The following SGCD variants were observed in gnomAD, a reference collection of about 807,000 sequenced individuals.
SGCD encodes delta-sarcoglycan.
Under a neutral mutation model 36.6 loss-of-function variants are expected in SGCD, and 18 were observed. That is an observed-to-expected ratio of 0.49 (90% CI 0.34 to 0.73). The LOEUF (loss-of-function observed/expected upper bound fraction) is 0.73. Among genes scored for constraint, SGCD ranks in the 30% least tolerant of loss-of-function variants. The pLI, the probability that SGCD is intolerant of heterozygous loss-of-function variation, is 0.01. For missense variants in SGCD, 387 were observed against 346.7 expected (o/e 1.12, Z -0.92); for synonymous variants, 133 against 130.6 (o/e 1.02, Z -0.12).
At chr5:156,535,219 C>A (rs1208610625) in intron 4 of SGCD, among the ~76,000 whole-genome samples, 1 of 152,172 alleles carries the variant, frequency 6.6e-6, no homozygotes, top group Non-Finnish European at 1.5e-5. Context: ...CCGGGGCTCT[C>A]TGCTTCTTGG....
intron 3 of SGCD, among the ~76,000 whole-genome samples, chr5:156,315,220 C>T (rs934580772): frequency 8.6e-5 from 13 of 151,646 alleles, no homozygotes; most frequent in African/African-American, 3.1e-4. Context: ...CCCTACCTAC[C>T]ACCCCCTTGT....
At chr5:156,436,294 T>C (rs1297917497) in intron 3 of SGCD, among the ~76,000 whole-genome samples, 2 of 152,250 alleles carry the variant, frequency 1.3e-5, no homozygotes, top group African/African-American at 4.8e-5. Context: ...TATGTTGTTC[T>C]CTCAGCTAGC....
At position 156,542,661 on chromosome 5, in the gene SGCD, G is replaced by C. The variant is rs551992198; in HGVS notation, c.294+33959G>C. The stretch of plus-strand genomic sequence containing the variant: ...AGAAAACAGGAAAGTGAACCTCAGA[G>C]ACATGGAGTAATTTGTCTTAAGGCT... On this transcript the variant is annotated intron_variant, in intron 4 of 8. Coordinates refer to ENST00000337851, the MANE Select transcript of SGCD (RefSeq NM_000337.6). Among the ~76,000 whole-genome samples the C allele has an allele frequency of 1.3e-3, 200 of 152,298 alleles. 1 individual carries two copies. The highest frequency in any genetic ancestry group is 2.2e-3 in the Admixed American group (33 of 15,288).
In SGCD at chr5:156,071,492, G is replaced by T. The variant is rs1333959241; in HGVS notation, c.-281-46386G>T. ...CTAGTTTGATTGCACTGTGGTCTGA[G>T]AGACAGTTTGTTGTAATTTCTGTTC... On this transcript the variant is annotated intron_variant, in intron 1 of 9. Transcript: ENST00000517913. 2.6e-5 allele frequency among the ~76,000 whole-genome samples: 4 copies of T among 152,170 alleles called. No homozygotes were observed. In the East Asian group the frequency reaches 7.7e-4, roughly 29 times the overall value.
chr5:156,129,050 G>C (rs932994744), intron 3 of SGCD, among the ~76,000 whole-genome samples: 1 of 152,116 alleles, frequency 6.6e-6, no homozygotes, highest in Non-Finnish European at 1.5e-5. Context: ...GCTTGCTTCT[G>C]GTGAGGTGAT....
intron 3 of SGCD, among the ~76,000 whole-genome samples, chr5:156,245,197 A>G (rs377567654): frequency 6.6e-6 from 1 of 152,284 alleles, no homozygotes. Flanking sequence ...TGCTTCCTCA[A>G]ATATCTTCTC....
At chr5:156,046,669 G>A (rs1425969823) in intron 1 of SGCD, among the ~76,000 whole-genome samples, 6 of 152,056 alleles carry the variant, frequency 3.9e-5, no homozygotes, top group Admixed American at 6.6e-5. Context: ...GAGAAATGTC[G>A]TGTGCATTCT....
chr5:156,263,834 T>C (rs2012051), intron 3 of SGCD, among the ~76,000 whole-genome samples: 1,635 of 152,232 alleles, frequency 0.011, 20 homozygotes, highest in African/African-American at 0.038. Context: ...CCCAGCACCA[T>C]TTGTTGAGTA....
intron 1 of SGCD, among the ~76,000 whole-genome samples, chr5:156,105,855 G>A (rs752412564): frequency 8.6e-5 from 13 of 152,024 alleles, no homozygotes; most frequent in Non-Finnish European, 1.8e-4. Flanking sequence ...GATCATTCCT[G>A]TAATCCCAGC....
At chr5:155,785,612 AG>A in the SGCD span, among the ~76,000 whole-genome samples, 1 of 152,186 alleles carries the variant, frequency 6.6e-6, no homozygotes, top group Non-Finnish European at 1.5e-5. Context: ...CACAAATTCA[AG>A]CAATAAATTG....
intron 1 of SGCD, among the ~76,000 whole-genome samples, chr5:156,011,051 T>TAAAA: frequency 6.6e-6 from 1 of 152,194 alleles, no homozygotes; most frequent in African/African-American, 2.4e-5. Flanking sequence ...CATGCATTTT[T>TAAAA]ATGCATGTTT....
chr5:156,582,305 G>A (rs1447397450), intron 4 of SGCD, among the ~76,000 whole-genome samples: 1 of 152,146 alleles, frequency 6.6e-6, no homozygotes, highest in East Asian at 1.9e-4. Context: ...TGTTACATGA[G>A]TGTTAATTTT....
At chr5:155,779,424 C>T in the SGCD span, among the ~76,000 whole-genome samples, 1,494 of 151,830 alleles carry the variant, frequency 9.8e-3, 25 homozygotes, top group African/African-American at 0.034. Context: ...GGTGATGGAG[C>T]GATACGCTGT....
chr5:155,752,611 C>A, the SGCD span, among the ~76,000 whole-genome samples: 37 of 152,262 alleles, frequency 2.4e-4, no homozygotes, highest in African/African-American at 8.9e-4. Context: ...TGATTCCTAA[C>A]CCCCATAGGA....
At chr5:155,938,699 G>C (rs935769136) in intron 1 of SGCD, among the ~76,000 whole-genome samples, 1 of 152,198 alleles carries the variant, frequency 6.6e-6, no homozygotes, top group Non-Finnish European at 1.5e-5. Flanking sequence ...TAAGGAAACT[G>C]AGCTAATAGT....
intron 3 of SGCD, among the ~76,000 whole-genome samples, chr5:156,166,931 T>C (rs1413407613): frequency 2.6e-5 from 4 of 152,164 alleles, no homozygotes; most frequent in Non-Finnish European, 5.9e-5. Flanking sequence ...GATCTGGCAA[T>C]TTTAAAGCTT....
At chr5:156,525,398 T>C (rs538211804) in intron 4 of SGCD, among the ~76,000 whole-genome samples, 51 of 152,270 alleles carry the variant, frequency 3.3e-4, no homozygotes, top group African/African-American at 1.1e-3. Context: ...TTCAGGTTCT[T>C]TGCCAAGTTT....
At chr5:156,282,890 A>C (rs567449172) in intron 3 of SGCD, among the ~76,000 whole-genome samples, 1 of 152,310 alleles carries the variant, frequency 6.6e-6, no homozygotes, top group East Asian at 1.9e-4. Flanking sequence ...TTTAATAAAA[A>C]TACGTGATCC....
At chr5:155,741,097 G>A in the SGCD span, among the ~76,000 whole-genome samples, 1 of 152,290 alleles carries the variant, frequency 6.6e-6, no homozygotes, top group African/African-American at 2.4e-5. Context: ...TGGGTTTAAA[G>A]GTGGGTTTAA....
Sources: allele counts gnomAD v4.1 joint callset (sites outside exome capture counted in the v4.1 genomes callset), GRCh38; gene constraint gnomAD v4.1.1; transcripts MANE v1.5; gene names NCBI Gene and HGNC (gene_info 2026-07-23, HGNC 2026-07-21).